SV2C: variants seen among roughly 807,000 people sequenced by gnomAD.
The protein encoded by SV2C is solute carrier family 22 member B3.
A neutral mutation model predicts 79.7 loss-of-function variants in SV2C; 49 were observed. That is an observed-to-expected ratio of 0.61 (90% confidence interval 0.49 to 0.78). The LOEUF (loss-of-function observed/expected upper bound fraction) is 0.78. Among genes scored for constraint, SV2C ranks in the 30% least tolerant of loss-of-function variants. SV2C has a pLI of 0.00. For synonymous variants in SV2C, 334 were observed against 333.2 expected (o/e 1.00, Z -0.03); for missense variants, 833 against 912.9 (o/e 0.91, Z 1.13).
chr5:76,303,892 T>C lies in SV2C; in HGVS notation c.2000+2347T>C, dbSNP rs149658468. 1.6e-4 allele frequency among the ~76,000 whole-genome samples: 24 copies of C among 152,248 alleles called. No individual in the cohort carries two copies. In the East Asian group the frequency reaches 4.4e-3, roughly 28 times the overall value. On this transcript the variant is annotated intron_variant, in intron 12 of 12. Transcript: ENST00000502798. ...AAGTATGGGAGAGCTGCAATGCAAC[T>C]CTAAGCCTGAGCGAAGGAGGGAGGA...
the SV2C span, among the ~76,000 whole-genome samples, chr5:75,969,897 T>G: frequency 6.6e-6 from 1 of 152,084 alleles, no homozygotes; most frequent in Non-Finnish European, 1.5e-5. Context: ...ACCACACCTA[T>G]TCCAAAATTG....
chr5:76,061,045 A>T, the SV2C span, among the ~76,000 whole-genome samples: 3,897 of 152,072 alleles, frequency 0.026, 181 homozygotes, highest in African/African-American at 0.09. Context: ...ATTAAGTTTG[A>T]CATCTTATAT....
At chr5:76,046,553 A>G in the SV2C span, among the ~76,000 whole-genome samples, 1 of 152,222 alleles carries the variant, frequency 6.6e-6, no homozygotes, top group Non-Finnish European at 1.5e-5. Context: ...ATGAAACCTC[A>G]AAAAGTTTTC....
At chr5:76,136,371 T>G (rs1267871673) in intron 2 of SV2C, among the ~76,000 whole-genome samples, 1 of 152,226 alleles carries the variant, frequency 6.6e-6, no homozygotes, top group African/African-American at 2.4e-5. Flanking sequence ...ACATTTCATT[T>G]GATAAGCATT....
the SV2C span, among the ~76,000 whole-genome samples, chr5:75,967,965 A>G: frequency 2.0e-5 from 3 of 152,150 alleles, no homozygotes; most frequent in African/African-American, 7.2e-5. Flanking sequence ...TACTCCTCTG[A>G]GACAAAACTT....
intron 4 of SV2C, among the ~76,000 whole-genome samples, chr5:76,223,700 C>T (rs1745159860): frequency 6.6e-6 from 1 of 151,862 alleles, no homozygotes; most frequent in African/African-American, 2.4e-5. Flanking sequence ...CCCCCAACCC[C>T]TTATTACTCA....
At chr5:76,343,954 G>T (rs915894008) in intron 12 of SV2C, among the ~76,000 whole-genome samples, 2 of 152,196 alleles carry the variant, frequency 1.3e-5, no homozygotes, top group African/African-American at 4.8e-5. Flanking sequence ...CCTGGAGATT[G>T]AGGTTACAGT....
Position 76,285,201 on chromosome 5 carries a change from G to T in SV2C, c.953G>T (p.Ser318Ile). ...ATGGGATCGGCCTACCAGTTTCACA[G>T]TTGGCGTGTGTTTGTCATCGTCTGT... ...FSMGSAYQFH[S>I]WRVFVIVCAL... Residue 318 changes from serine to isoleucine, a missense_variant, in exon 5 of 13, where the codon AGT (serine) becomes ATT (isoleucine). Coordinates refer to ENST00000502798, the MANE Select transcript of SV2C (RefSeq NM_014979.4). 6.2e-7 allele frequency: 1 copy of T among 1,614,210 alleles called. No individual in the cohort carries two copies. The highest frequency in any genetic ancestry group is 8.5e-7 in the Non-Finnish European group (1 of 1,180,030).
At chr5:76,272,888 A>G (rs1057306318) in intron 4 of SV2C, among the ~76,000 whole-genome samples, 3 of 152,140 alleles carry the variant, frequency 2.0e-5, no homozygotes, top group Admixed American at 2.0e-4. Flanking sequence ...ATCAGCTAAT[A>G]TAATAGTTTA....
intron 1 of SV2C, among the ~76,000 whole-genome samples, chr5:76,106,789 C>T (rs1747932447): frequency 6.6e-6 from 1 of 152,230 alleles, no homozygotes. Flanking sequence ...CCTCCCTACT[C>T]ACAATCCCCC....
At chr5:75,921,353 C>T in the SV2C span, 1 of 1,023,012 alleles carries the variant, frequency 9.8e-7, no homozygotes, top group South Asian at 1.3e-5. Flanking sequence ...CTGCCTGCTG[C>T]TGTCCTTTGG....
rs1278851495 is a variant in SV2C at position 76,333,369 on chromosome 5, T to C, written c.*7822T>C. 6.6e-6 allele frequency: 1 copy of C among 152,250 alleles called. No homozygotes were observed. Among genetic ancestry groups the C allele is most frequent in the African/African-American group, 2.4e-5 (1 of 41,466 alleles). 9.4% of individuals were successfully genotyped at this position (152,250 alleles called of 1,614,324 possible). Reference sequence around the variant, plus strand: ...ACAGATCATATGTCTTTTGTTACTATCTAGATACACTAAATAACATGATAG... The same window carrying C: ...ACAGATCATATGTCTTTTGTTACTACCTAGATACACTAAATAACATGATAG... On this transcript the variant is annotated 3_prime_UTR_variant, in exon 13 of 13. Transcript: ENST00000502798.
At chr5:76,194,767 A>T (rs1224480540) in intron 2 of SV2C, 152 bp from the exon 3 acceptor site, 1 of 901,360 alleles carries the variant, frequency 1.1e-6, no homozygotes, top group Admixed American at 2.7e-5. Context: ...TTCAACTTGA[A>T]AACTGATTAC....
At chr5:75,928,243 C>A in the SV2C span, among the ~76,000 whole-genome samples, 1 of 152,148 alleles carries the variant, frequency 6.6e-6, no homozygotes, top group Non-Finnish European at 1.5e-5. Context: ...TTAAAAAATG[C>A]TTTGTCCTTG....
the SV2C span, among the ~76,000 whole-genome samples, chr5:76,003,378 AC>A: frequency 1.3e-5 from 2 of 152,172 alleles, no homozygotes; most frequent in African/African-American, 4.8e-5. Context: ...AAGAGCAGAC[AC>A]TGAGATGATA....
chr5:75,984,301 A>G, the SV2C span, among the ~76,000 whole-genome samples: 11 of 152,170 alleles, frequency 7.2e-5, no homozygotes, highest in Non-Finnish European at 1.3e-4. Context: ...GAAAGAGAAT[A>G]TGAAACTTTC....
chr5:76,264,793 C>A (rs2112462765), intron 4 of SV2C, among the ~76,000 whole-genome samples: 1 of 152,344 alleles, frequency 6.6e-6, no homozygotes, highest in Admixed American at 6.5e-5. Flanking sequence ...TTCCTGCCTG[C>A]TCCTTCCTCT....
At chr5:76,046,200 A>G in the SV2C span, among the ~76,000 whole-genome samples, 1 of 152,316 alleles carries the variant, frequency 6.6e-6, no homozygotes, top group Non-Finnish European at 1.5e-5. Flanking sequence ...CCTATCCTGT[A>G]ATTGGAAAAA....
At chr5:76,281,530 G>C (rs888175895) in intron 4 of SV2C, among the ~76,000 whole-genome samples, 1 of 152,186 alleles carries the variant, frequency 6.6e-6, no homozygotes, top group Non-Finnish European at 1.5e-5. Flanking sequence ...TGTTGCTGCT[G>C]TAACAAATCG....
Sources: allele counts gnomAD v4.1 joint callset (sites outside exome capture counted in the v4.1 genomes callset), GRCh38; gene constraint gnomAD v4.1.1; transcripts MANE v1.5; gene names NCBI Gene and HGNC (gene_info 2026-07-23, HGNC 2026-07-21).